LDB2: variants seen among roughly 807,000 people sequenced by gnomAD.
The protein encoded by LDB2 is LIM domain binding 2.
In LDB2, 12 loss-of-function variants were observed where a neutral mutation model predicts 44.3. The ratio of observed to expected loss-of-function variants is 0.27; its 90% CI spans 0.17 to 0.44. The LOEUF is 0.44. Ranked by LOEUF, LDB2 falls within the 20% of genes least tolerant of loss-of-function variation. The pLI, the probability that LDB2 is intolerant of heterozygous loss-of-function variation, is 1.00. For missense variants in LDB2, 344 were observed against 473.5 expected, an observed-to-expected ratio of 0.73 and a Z score of 2.54; for synonymous variants, 164 against 174.8, an observed-to-expected ratio of 0.94 and a Z score of 0.49.
chr4:16,834,183 C>G (rs1784514469), intron 1 of LDB2, among the ~76,000 whole-genome samples: 1 of 152,218 alleles, frequency 6.6e-6, no homozygotes, highest in Non-Finnish European at 1.5e-5. Flanking sequence ...GTTTTGTTCA[C>G]TAATGTCCAG....
At chr4:16,815,595 G>T (rs1780746772) in intron 1 of LDB2, among the ~76,000 whole-genome samples, 1 of 152,078 alleles carries the variant, frequency 6.6e-6, no homozygotes, top group Non-Finnish European at 1.5e-5. Flanking sequence ...CTGTCTTACA[G>T]CCTTTTCCAC....
At chr4:16,805,529 TG>T (rs1778617469) in intron 1 of LDB2, among the ~76,000 whole-genome samples, 1 of 152,156 alleles carries the variant, frequency 6.6e-6, no homozygotes, top group Admixed American at 6.5e-5. Context: ...CACAGGCTCA[TG>T]GTCCACTTTC....
intron 1 of LDB2, among the ~76,000 whole-genome samples, chr4:16,828,454 T>C (rs982447656): frequency 2.6e-5 from 4 of 152,184 alleles, no homozygotes; most frequent in Non-Finnish European, 4.4e-5. Context: ...AGTTACCTCC[T>C]TTTAGCCCAT....
At chr4:16,523,541 A>G (rs1727063618) in intron 5 of LDB2, among the ~76,000 whole-genome samples, 1 of 152,198 alleles carries the variant, frequency 6.6e-6, no homozygotes, top group Admixed American at 6.5e-5. Context: ...CTGGAATGCC[A>G]TACTGCGACA....
chr4:16,709,484 C>T (rs1578965126), intron 2 of LDB2, among the ~76,000 whole-genome samples: 2 of 152,268 alleles, frequency 1.3e-5, no homozygotes, highest in East Asian at 3.9e-4. Context: ...ATTTGGCACA[C>T]AGCACACAAA....
At chr4:16,523,744 G>A (rs1057013293) in intron 5 of LDB2, among the ~76,000 whole-genome samples, 4 of 152,110 alleles carry the variant, frequency 2.6e-5, no homozygotes, top group Non-Finnish European at 5.9e-5. Flanking sequence ...GTTCCAGGCG[G>A]GACAAAGGAC....
At position 16,898,517 on chromosome 4, in the gene LDB2, G is replaced by A; in HGVS notation, c.-32C>T. ...TGCTTTTCGAAAATCAAGCTAAACAGAGTATCAGTAACGTCCATGCAGAGC... is the reference window on the plus strand; with the variant it reads ...TGCTTTTCGAAAATCAAGCTAAACAAAGTATCAGTAACGTCCATGCAGAGC... On this transcript the variant is annotated 5_prime_UTR_variant, in exon 1 of 8. Coordinates refer to ENST00000304523, the MANE Select transcript of LDB2 (RefSeq NM_001290.5). 6.2e-7 allele frequency: 1 copy of A among 1,611,560 alleles called. No individual in the cohort carries two copies. Among genetic ancestry groups the A allele is most frequent in the Non-Finnish European group, 8.5e-7 (1 of 1,178,682 alleles).
intron 3 of LDB2, among the ~76,000 whole-genome samples, chr4:16,591,869 C>T (rs868351588): frequency 1.3e-4 from 19 of 144,824 alleles, no homozygotes; most frequent in South Asian, 4.6e-4. Flanking sequence ...TATCTGAAGT[C>T]GGCCTTTTTT....
At chr4:16,757,241 C>T (rs1370418178) in intron 2 of LDB2, among the ~76,000 whole-genome samples, 1 of 152,200 alleles carries the variant, frequency 6.6e-6, no homozygotes, top group Non-Finnish European at 1.5e-5. Context: ...TGTCACCAGC[C>T]CACACATCAG....
In LDB2 at chr4:16,881,932, G is replaced by T. The variant is rs542206945; in HGVS notation, c.132+16422C>A. ...TCTAATTCCTCCTAAAATCATCAGA[G>T]ATGTAGCATTGTTAAGAAGTTAACA... is the stretch of plus-strand genomic sequence containing the variant. On this transcript the variant is annotated intron_variant, in intron 1 of 7. Transcript: ENST00000304523. 4.6e-5 allele frequency among the ~76,000 whole-genome samples: 7 copies of T among 152,302 alleles called. 1 individual carries two copies. The highest frequency in any genetic ancestry group is 1.7e-4 in the African/African-American group (7 of 41,564).
intron 2 of LDB2, among the ~76,000 whole-genome samples, chr4:16,732,645 G>A (rs1407482083): frequency 1.3e-5 from 2 of 152,082 alleles, no homozygotes; most frequent in Non-Finnish European, 2.9e-5. Flanking sequence ...AACTCAAATT[G>A]GAAAACGAGA....
intron 2 of LDB2, chr4:16,653,629 G>A (rs1378980259): frequency 6.6e-6 from 1 of 152,204 alleles, no homozygotes; most frequent in African/African-American, 2.4e-5. Flanking sequence ...AGAAAAGAAA[G>A]ATCTTCAGAG....
chr4:16,667,689 C>G (rs1322599563), intron 2 of LDB2, among the ~76,000 whole-genome samples: 1 of 152,238 alleles, frequency 6.6e-6, no homozygotes, highest in Non-Finnish European at 1.5e-5. Context: ...ACCGCATAGA[C>G]AGACAGGTTG....
intron 2 of LDB2, among the ~76,000 whole-genome samples, chr4:16,758,166 GC>G (rs1401453654): frequency 1.3e-5 from 2 of 152,134 alleles, no homozygotes; most frequent in African/African-American, 4.8e-5. Context: ...GCACCAAGTT[GC>G]CTAAAGCCTC....
chr4:16,547,319 C>T (rs1439737555), intron 5 of LDB2, among the ~76,000 whole-genome samples: 1 of 152,142 alleles, frequency 6.6e-6, no homozygotes, highest in Non-Finnish European at 1.5e-5. Context: ...ATTGTGACAC[C>T]TTGACTTGGG....
chr4:16,776,030 G>A (rs1771814375), intron 1 of LDB2, among the ~76,000 whole-genome samples: 1 of 152,214 alleles, frequency 6.6e-6, no homozygotes, highest in Non-Finnish European at 1.5e-5. Context: ...GAGAGCTTTA[G>A]AAAATTGTGG....
chr4:16,521,534 T>C (rs1229854767), intron 5 of LDB2, among the ~76,000 whole-genome samples: 1 of 152,156 alleles, frequency 6.6e-6, no homozygotes, highest in Admixed American at 6.5e-5. Context: ...ATTCTAAGTT[T>C]CCAGGGGAAT....
At chr4:16,660,183 G>T (rs1050916204) in intron 2 of LDB2, among the ~76,000 whole-genome samples, 1 of 151,884 alleles carries the variant, frequency 6.6e-6, no homozygotes, top group Admixed American at 6.6e-5. Flanking sequence ...GGGAAAAGAG[G>T]GTACATATTT....
chr4:16,807,785 C>G (rs945318801), intron 1 of LDB2, among the ~76,000 whole-genome samples: 9 of 152,186 alleles, frequency 5.9e-5, no homozygotes, highest in Non-Finnish European at 1.3e-4. Context: ...TAAACCCAGT[C>G]TTGATTTGCA....
Sources: gnomAD v4.1 joint callset for allele counts (sites outside exome capture counted in the v4.1 genomes callset) on GRCh38, gnomAD v4.1.1 for gene constraint, MANE v1.5 for transcripts, NCBI Gene and HGNC (gene_info 2026-07-23, HGNC 2026-07-21) for gene names.